Variants in CUBN observed in about 807,000 individuals in gnomAD.
CUBN encodes the protein cubilin.
CUBN carries 282 observed loss-of-function variants against 405.3 expected under a neutral mutation model. That is an observed-to-expected ratio of 0.70 (90% CI 0.63 to 0.77). CUBN has a LOEUF of 0.77. CUBN is among the 30% of genes least tolerant of loss of function. The probability of loss-of-function intolerance (pLI) is 0.00; values close to 1 mark genes in which losing one functional copy is unlikely to be tolerated. For missense variants in CUBN, 4,514 were observed against 4,475.2 expected (o/e 1.01, Z -0.25); for synonymous variants, 1,684 against 1,617.0 (o/e 1.04, Z -0.99).
intron 43 of CUBN, among the ~76,000 whole-genome samples, chr10:16,920,369 T>G (rs1842001823): frequency 6.6e-6 from 1 of 152,198 alleles, no homozygotes; most frequent in Admixed American, 6.5e-5. Flanking sequence ...ATTGGAAATT[T>G]CATTCTTTCT....
At chr10:17,076,197 T>C (rs182939232) in intron 17 of CUBN, among the ~76,000 whole-genome samples, 8 of 152,274 alleles carry the variant, frequency 5.3e-5, no homozygotes, top group African/African-American at 1.9e-4. Context: ...GAAAGGCAGC[T>C]GTAGTCCAAA....
intron 48 of CUBN, among the ~76,000 whole-genome samples, chr10:16,910,547 G>A (rs1259253641): frequency 6.6e-6 from 1 of 152,150 alleles, no homozygotes; most frequent in African/African-American, 2.4e-5. Flanking sequence ...TGCAGGTTTT[G>A]CTAAAGAGTC....
chr10:16,987,985 C>G (rs1416132435), intron 29 of CUBN, among the ~76,000 whole-genome samples: 1 of 152,174 alleles, frequency 6.6e-6, no homozygotes, highest in Non-Finnish European at 1.5e-5. Context: ...AAGCCCCAAG[C>G]AGACTGTGCG....
At position 16,831,248 on chromosome 10, in the gene CUBN, T is replaced by C. The variant is rs1228131034; in HGVS notation, c.10528+4A>G. The C allele has an allele frequency of 1.9e-6, 3 of 1,613,818 alleles. No homozygotes were observed. The African/African-American group carries it at 4.0e-5, about 22-fold the overall frequency. On this transcript the variant is annotated splice_donor_region_variant and intron_variant, in intron 65 of 66. Coordinates refer to ENST00000377833, the MANE Select transcript of CUBN (RefSeq NM_001081.4). Reference sequence around the variant, plus strand: ...CTTTCCTGTACAAAGTGCAAATGTCTTACCAGAGGGTGATGAAGTCCAGAT... The same window carrying C: ...CTTTCCTGTACAAAGTGCAAATGTCCTACCAGAGGGTGATGAAGTCCAGAT...
intron 58 of CUBN, among the ~76,000 whole-genome samples, chr10:16,871,186 C>T (rs1455205052): frequency 6.6e-6 from 1 of 151,574 alleles, no homozygotes; most frequent in Non-Finnish European, 1.5e-5. Context: ...CACCACCATG[C>T]CTGGCTATTT....
intron 28 of CUBN, among the ~76,000 whole-genome samples, chr10:16,991,640 TTTTTTTA>T (rs1833590591): frequency 6.6e-6 from 1 of 151,628 alleles, no homozygotes; most frequent in Non-Finnish European, 1.5e-5. Flanking sequence ...TGTTTTTTTT[TTTTTTTA>T]AATATTCTTT....
At position 16,945,032 on chromosome 10, in the gene CUBN, A is replaced by G. The variant is rs116307154; in HGVS notation, c.5342+2203T>C. Among the ~76,000 whole-genome samples, 164 of 152,340 alleles carry G rather than the reference A, an allele frequency of 1.1e-3. 1 individual carries two copies. Among genetic ancestry groups the G allele is most frequent in the African/African-American group, 3.7e-3 (155 of 41,580 alleles). ...TTGTTTATAGAAACTTGTTATTATT[A>G]TCCCACAGAAATAAAATGAATTTAA... is the stretch of plus-strand genomic sequence containing the variant. On this transcript the variant is annotated intron_variant, in intron 36 of 66. Coordinates refer to ENST00000377833, the MANE Select transcript of CUBN (RefSeq NM_001081.4).
intron 59 of CUBN, among the ~76,000 whole-genome samples, chr10:16,856,573 C>T (rs1443205615): frequency 1.3e-5 from 2 of 152,184 alleles, no homozygotes; most frequent in African/African-American, 2.4e-5. Flanking sequence ...TAGTTACATT[C>T]TCTTGGATAA....
rs1198736286 is a variant in CUBN, at chr10:16,901,298, T to G, written c.8184+40A>C. The G allele has an allele frequency of 2.5e-6, 4 of 1,613,930 alleles. No homozygotes were observed. The South Asian group carries it at 4.4e-5, about 18-fold the overall frequency. ...CATGCAGGACAGGCTATTGTGGTTCTATTGTCTCAGAAGCATTTCACCCAG... is the reference window on the plus strand; with the variant it reads ...CATGCAGGACAGGCTATTGTGGTTCGATTGTCTCAGAAGCATTTCACCCAG... On this transcript the variant is annotated intron_variant, in intron 52 of 66. Coordinates refer to ENST00000377833, the MANE Select transcript of CUBN (RefSeq NM_001081.4).
intron 28 of CUBN, among the ~76,000 whole-genome samples, chr10:17,010,100 C>G (rs1295188268): frequency 6.6e-6 from 1 of 152,192 alleles, no homozygotes; most frequent in African/African-American, 2.4e-5. Flanking sequence ...ATCCTCTATC[C>G]AACAAGATCC....
At chr10:17,119,205 A>G (rs1374168877) in intron 6 of CUBN, among the ~76,000 whole-genome samples, 1 of 152,248 alleles carries the variant, frequency 6.6e-6, no homozygotes, top group Admixed American at 6.5e-5. Context: ...TATGAATGGA[A>G]ATAAGTGAAA....
intron 31 of CUBN, among the ~76,000 whole-genome samples, chr10:16,975,439 G>T (rs1833062730): frequency 6.6e-6 from 1 of 152,182 alleles, no homozygotes; most frequent in Non-Finnish European, 1.5e-5. Context: ...ATGCTGGCAT[G>T]CTGTTGACCT....
chr10:17,010,434 A>T (rs1189336501), intron 28 of CUBN, among the ~76,000 whole-genome samples: 4 of 152,004 alleles, frequency 2.6e-5, no homozygotes, highest in Admixed American at 2.6e-4. Flanking sequence ...TGAGCTCAGA[A>T]GTTCAAGATC....
intron 45 of CUBN, 32 bp from the exon 46 acceptor site, chr10:16,916,062 G>C: frequency 1.3e-6 from 2 of 1,588,568 alleles, no homozygotes; most frequent in Non-Finnish European, 1.7e-6. Context: ...AAATAAATAA[G>C]AAAGCAAGCA....
chr10:17,005,625 G>T (rs1282291660), intron 28 of CUBN, among the ~76,000 whole-genome samples: 3 of 152,190 alleles, frequency 2.0e-5, no homozygotes, highest in African/African-American at 4.8e-5. Context: ...CTGCCTGGAG[G>T]TCTCTTTGAA....
chr10:16,952,318 T>G lies in CUBN; in HGVS notation c.4927A>C (p.Asn1643His), dbSNP rs757997847. 2 of 1,613,994 alleles carry G rather than the reference T, an allele frequency of 1.2e-6. No homozygotes were observed. Among genetic ancestry groups the G allele is most frequent in the East Asian group, 2.2e-5 (1 of 44,878 alleles). Residue 1643 changes from asparagine to histidine, a missense_variant, in exon 33 of 67, where the codon AAC (asparagine) becomes CAC (histidine). Coordinates refer to ENST00000377833, the MANE Select transcript of CUBN (RefSeq NM_001081.4). ...SSPRFPANYP[N>H]NQNCSWIIQA... ...ATGATCCAGCTGCAGTTCTGATTGT[T>G]TGGATAATTGGCAGGGAACCGTGGA... is the stretch of plus-strand genomic sequence containing the variant.
Position 16,831,234 on chromosome 10 carries a change from A to G in CUBN, c.10528+18T>C. ...TTTTTCTCACAGTGCTTTCCTGTAC[A>G]AAGTGCAAATGTCTTACCAGAGGGT... On this transcript the variant is annotated intron_variant, in intron 65 of 66. Coordinates refer to ENST00000377833, the MANE Select transcript of CUBN (RefSeq NM_001081.4). 1 of 1,613,194 alleles carries G rather than the reference A, an allele frequency of 6.2e-7. No homozygotes were observed. Among genetic ancestry groups the G allele is most frequent in the Non-Finnish European group, 8.5e-7 (1 of 1,179,088 alleles).
At chr10:16,899,267 C>A (rs1841287038) in intron 53 of CUBN, 84 bp from the exon 54 acceptor site, 1 of 998,594 alleles carries the variant, frequency 1.0e-6, no homozygotes, top group African/African-American at 1.6e-5. Context: ...GGAACATTTC[C>A]AAATGTGAGA....
intron 17 of CUBN, among the ~76,000 whole-genome samples, chr10:17,074,775 T>C (rs1482685645): frequency 1.3e-5 from 2 of 152,234 alleles, no homozygotes; most frequent in Non-Finnish European, 2.9e-5. Flanking sequence ...CTGAAATAAA[T>C]GTGATTTTAT....
Sources: allele counts gnomAD v4.1 joint callset (sites outside exome capture counted in the v4.1 genomes callset), GRCh38; gene constraint gnomAD v4.1.1; transcripts MANE v1.5; gene names NCBI Gene and HGNC (gene_info 2026-07-23, HGNC 2026-07-21).